ANKS1B: variants seen among roughly 807,000 people sequenced by gnomAD.
ANKS1B encodes the protein ankyrin repeat and sterile alpha motif domain-containing protein 1B.
A neutral mutation model predicts 148.3 loss-of-function variants in ANKS1B; 36 were observed. That is an observed-to-expected ratio of 0.24 (90% CI 0.19 to 0.32). The LOEUF (loss-of-function observed/expected upper bound fraction) is 0.32, where lower values mean the gene tolerates loss of function less well. ANKS1B is among the 10% of genes least tolerant of loss of function. ANKS1B has a pLI of 1.00. For synonymous variants in ANKS1B, 542 were observed against 560.8 expected (o/e 0.97, Z 0.47); for missense variants, 1,157 against 1,542.6 (o/e 0.75, Z 4.19).
intron 5 of ANKS1B, 50 bp downstream of exon 5, chr12:99,781,972 T>C (rs779275236): frequency 2.0e-5 from 29 of 1,481,234 alleles, no homozygotes; most frequent in African/African-American, 1.7e-4. Flanking sequence ...ATTCCCAAAA[T>C]AGAAATGTTA....
At chr12:99,024,576 C>A (rs1042759869) in intron 17 of ANKS1B, among the ~76,000 whole-genome samples, 1 of 152,142 alleles carries the variant, frequency 6.6e-6, no homozygotes, top group Non-Finnish European at 1.5e-5. Context: ...TTATATTTTG[C>A]ATCTTTTGCT....
chr12:99,927,018 C>T (rs1194752344), intron 1 of ANKS1B, among the ~76,000 whole-genome samples: 1 of 152,112 alleles, frequency 6.6e-6, no homozygotes, highest in Non-Finnish European at 1.5e-5. Flanking sequence ...AATCAGAAGC[C>T]ATAAATGTAA....
intron 17 of ANKS1B, among the ~76,000 whole-genome samples, chr12:98,993,628 A>T (rs2099927903): frequency 6.6e-6 from 1 of 152,264 alleles, no homozygotes; most frequent in South Asian, 2.1e-4. Flanking sequence ...ACAAATGAAC[A>T]CAAGCGGCTT....
At chr12:99,651,311 C>T (rs2098417679) in intron 9 of ANKS1B, among the ~76,000 whole-genome samples, 1 of 152,134 alleles carries the variant, frequency 6.6e-6, no homozygotes, top group Admixed American at 6.5e-5. Flanking sequence ...TGAGAAATCA[C>T]ATCTAACCAT....
chr12:99,675,453 T>TA (rs1057002811), intron 8 of ANKS1B, among the ~76,000 whole-genome samples: 1 of 151,978 alleles, frequency 6.6e-6, no homozygotes, highest in Non-Finnish European at 1.5e-5. Context: ...TGCACTGTTT[T>TA]AAAAAGTAGT....
rs34337860 is a variant in ANKS1B at position 99,646,026 on chromosome 12, TA to T, written c.1272+9040del. On this transcript the variant is annotated intron_variant, in intron 9 of 26. Transcript: ENST00000683438. ...AAAAAAGTACTTTTAAGAAAATCAG[TA>T]AAAAAAAAAAAAAAAGGCACTTAAA... is the stretch of plus-strand genomic sequence containing the variant. 2.8e-3 allele frequency among the ~76,000 whole-genome samples: 371 copies of T among 131,802 alleles called. 1 individual carries two copies. The highest frequency in any genetic ancestry group is 0.01 in the East Asian group (42 of 4,178). 86.5% of individuals were successfully genotyped at this position (131,802 alleles called of 152,430 possible). A position where few individuals can be genotyped will look rare whatever the true frequency, so the allele number is the denominator to read the frequency against.
intron 8 of ANKS1B, among the ~76,000 whole-genome samples, chr12:99,730,383 C>T (rs368198991): frequency 9.2e-5 from 14 of 152,286 alleles, no homozygotes; most frequent in South Asian, 8.3e-4. Context: ...AAATGACACC[C>T]TCACTTTAAG....
At chr12:99,081,620 C>T (rs1040919066) in intron 16 of ANKS1B, among the ~76,000 whole-genome samples, 19 of 152,118 alleles carry the variant, frequency 1.2e-4, no homozygotes, top group African/African-American at 4.6e-4. Flanking sequence ...AATTTGTGTG[C>T]AGAGTGAGCT....
At chr12:99,703,529 A>G (rs1216748534) in intron 8 of ANKS1B, among the ~76,000 whole-genome samples, 3 of 151,988 alleles carry the variant, frequency 2.0e-5, no homozygotes, top group African/African-American at 7.3e-5. Context: ...CACGCCTCGT[A>G]TCTTTACATA....
chr12:99,415,010 C>T (rs2152689280), intron 11 of ANKS1B, among the ~76,000 whole-genome samples: 1 of 152,272 alleles, frequency 6.6e-6, no homozygotes, highest in African/African-American at 2.4e-5. Flanking sequence ...ATTGGAAAGA[C>T]TGTATACACA....
intron 1 of ANKS1B, among the ~76,000 whole-genome samples, chr12:99,895,883 T>C (rs1267347642): frequency 6.6e-6 from 1 of 151,400 alleles, no homozygotes; most frequent in Non-Finnish European, 1.5e-5. Context: ...CTGCTTCATT[T>C]ATAGAAGCCC....
intron 17 of ANKS1B, among the ~76,000 whole-genome samples, chr12:98,938,833 C>G (rs1217004626): frequency 1.3e-5 from 2 of 152,116 alleles, no homozygotes; most frequent in African/African-American, 4.8e-5. Context: ...GGGAAGTCAC[C>G]CATCAACTAT....
chr12:99,070,679 G>A (rs1245316488), intron 16 of ANKS1B, among the ~76,000 whole-genome samples: 1 of 152,154 alleles, frequency 6.6e-6, no homozygotes, highest in Non-Finnish European at 1.5e-5. Flanking sequence ...TTTGATCTAT[G>A]TATTATTTGT....
chr12:99,858,714 A>C (rs1163357411), intron 1 of ANKS1B, among the ~76,000 whole-genome samples: 2 of 152,148 alleles, frequency 1.3e-5, no homozygotes, highest in African/African-American at 4.8e-5. Flanking sequence ...GAACAAAATA[A>C]TGGCATTCAC....
At chr12:98,943,654 CA>C (rs901519906) in intron 17 of ANKS1B, among the ~76,000 whole-genome samples, 47 of 152,268 alleles carry the variant, frequency 3.1e-4, no homozygotes, top group African/African-American at 1.1e-3. Flanking sequence ...CTTCCACTTT[CA>C]AAGACCTTTG....
chr12:99,160,974 T>C (rs1040347068), intron 14 of ANKS1B, among the ~76,000 whole-genome samples: 1 of 152,236 alleles, frequency 6.6e-6, no homozygotes, highest in South Asian at 2.1e-4. Context: ...GGGAATGCGA[T>C]GCCTCTGGCT....
At chr12:99,400,173 AGACC>A (rs2094364175) in intron 11 of ANKS1B, among the ~76,000 whole-genome samples, 2 of 147,720 alleles carry the variant, frequency 1.4e-5, no homozygotes, top group Admixed American at 6.7e-5. Context: ...GGCATTTGCC[AGACC>A]CAGAGGATAT....
chr12:99,607,570 TA>T (rs1362892745), intron 9 of ANKS1B, among the ~76,000 whole-genome samples: 4 of 152,086 alleles, frequency 2.6e-5, no homozygotes, highest in Non-Finnish European at 5.9e-5. Context: ...AAGCAGATCC[TA>T]CAGCTTTAAC....
intron 17 of ANKS1B, among the ~76,000 whole-genome samples, chr12:98,998,820 T>C (rs1056441099): frequency 1.3e-5 from 2 of 152,224 alleles, no homozygotes; most frequent in African/African-American, 4.8e-5. Flanking sequence ...GCTTTGCCTT[T>C]GGGATACGAA....
Sources: gnomAD v4.1 joint callset for allele counts (sites outside exome capture counted in the v4.1 genomes callset) on GRCh38, gnomAD v4.1.1 for gene constraint, MANE v1.5 for transcripts, NCBI Gene and HGNC (gene_info 2026-07-23, HGNC 2026-07-21) for gene names.